Variants in RELN observed in about 807,000 individuals in gnomAD.
RELN encodes the protein reelin.
In RELN, 108 loss-of-function variants were observed where a neutral mutation model predicts 427.6. The ratio of observed to expected loss-of-function variants is 0.25; its 90% CI spans 0.22 to 0.30. The LOEUF (loss-of-function observed/expected upper bound fraction) is 0.30. Ranked by LOEUF, RELN falls within the 10% of genes least tolerant of loss-of-function variation. The probability of loss-of-function intolerance (pLI) is 1.00; values close to 1 mark genes in which losing one functional copy is unlikely to be tolerated. For synonymous variants in RELN, 1,524 were observed against 1,513.4 expected (o/e 1.01, Z -0.16); for missense variants, 3,715 against 4,302.8 (o/e 0.86, Z 3.82).
At chr7:103,983,415 A>C (rs1797032209) in intron 1 of RELN, among the ~76,000 whole-genome samples, 1 of 152,224 alleles carries the variant, frequency 6.6e-6, no homozygotes, top group Non-Finnish European at 1.5e-5. Context: ...CATAACTGAC[A>C]CCAAAGTGAG....
At chr7:103,823,421 A>T (rs930862213) in intron 3 of RELN, among the ~76,000 whole-genome samples, 16 of 151,854 alleles carry the variant, frequency 1.1e-4, no homozygotes, top group Admixed American at 3.3e-4. Context: ...CTTTATTCTG[A>T]TGTTTTAACT....
At chr7:103,624,099 C>T (rs1054027106) in intron 20 of RELN, among the ~76,000 whole-genome samples, 4 of 152,092 alleles carry the variant, frequency 2.6e-5, no homozygotes, top group African/African-American at 7.2e-5. Flanking sequence ...GATAAACAGG[C>T]TTTTAGGATC....
At chr7:103,711,462 T>C (rs61328831) in intron 8 of RELN, among the ~76,000 whole-genome samples, 32,296 of 152,154 alleles carry the variant, frequency 0.21, 4,143 homozygotes, top group South Asian at 0.37. Context: ...TTTTCCACTT[T>C]GCTTAGCACG....
At chr7:103,663,001 C>T (rs1833178486) in intron 11 of RELN, among the ~76,000 whole-genome samples, 1 of 149,670 alleles carries the variant, frequency 6.7e-6, no homozygotes, top group African/African-American at 2.5e-5. Flanking sequence ...AACTCTTTTG[C>T]CATACAATGT....
chr7:103,787,797 C>T (rs547676970), intron 3 of RELN, among the ~76,000 whole-genome samples: 1 of 152,276 alleles, frequency 6.6e-6, no homozygotes, highest in South Asian at 2.1e-4. Flanking sequence ...CTATTCCAAA[C>T]ATCAGAAAAA....
chr7:103,679,514 C>T (rs1007687496), intron 11 of RELN, among the ~76,000 whole-genome samples: 3 of 152,154 alleles, frequency 2.0e-5, no homozygotes, highest in South Asian at 4.1e-4. Flanking sequence ...CCTGGAAGTA[C>T]CAGCTTCTTA....
rs1833572571 is a variant in RELN, at chr7:103,677,886, G to GAC, written c.1289+4228_1289+4229dup. 2.6e-5 allele frequency among the ~76,000 whole-genome samples: 4 copies of GAC among 151,176 alleles called. No individual in the cohort carries two copies. The South Asian group carries it at 8.4e-4, about 32-fold the overall frequency. Reference sequence around the variant, plus strand: ...CATCCATGACCTGGAGCAATAATGAGACGCCTTTTGTAGTGTCTTCATTCA... The same window carrying GAC: ...CATCCATGACCTGGAGCAATAATGAGACACGCCTTTTGTAGTGTCTTCATTCA... On this transcript the variant is annotated intron_variant, in intron 11 of 64. Coordinates refer to ENST00000428762, the MANE Select transcript of RELN (RefSeq NM_005045.4).
chr7:103,906,006 T>C (rs763047084), intron 2 of RELN, among the ~76,000 whole-genome samples: 3 of 152,126 alleles, frequency 2.0e-5, no homozygotes, highest in Admixed American at 6.6e-5. Context: ...ACAAGGGCAG[T>C]AGACGTTTAA....
In RELN at chr7:103,523,418, T is replaced by C; in HGVS notation, c.7463A>G (p.His2488Arg). The C allele has an allele frequency of 6.2e-7, 1 of 1,614,166 alleles. No homozygotes were observed. The highest frequency in any genetic ancestry group is 8.5e-7 in the Non-Finnish European group (1 of 1,180,024). ...GDGCIDMCSGHGRCIQGNCVC... is the reference protein window; with the variant it reads ...GDGCIDMCSGRGRCIQGNCVC... ...GCAGTTTCCCTGGATGCATCTCCCATGGCCACTGCACATGTCTATGCAGCC... is the reference window on the plus strand; with the variant it reads ...GCAGTTTCCCTGGATGCATCTCCCACGGCCACTGCACATGTCTATGCAGCC... The change falls in exon 47 of 65, where the codon CAT becomes CGT. Residue 2488 changes from histidine to arginine, a missense_variant. His to Arg is a conservative substitution (Grantham distance 29). Around this residue, in one of 4 missense-constraint regions of RELN, gnomAD observed 1,310 missense variants for 1,643.0 expected, o/e 0.80. Transcript: ENST00000428762.
intron 4 of RELN, among the ~76,000 whole-genome samples, chr7:103,755,624 A>T (rs1191563208): frequency 4.9e-5 from 5 of 101,508 alleles, no homozygotes; most frequent in East Asian, 2.3e-4. Flanking sequence ...AAAATAAAAA[A>T]AATAAAATAA....
In RELN at chr7:103,483,805, G is replaced by A; in HGVS notation, c.10029C>T (p.Asp3343=). Residue 3343 remains aspartate, a synonymous_variant, in exon 62 of 65, where the codon GAC becomes GAT. Transcript: ENST00000428762. ...VLQIGSMSQT[D]SCNSDLSGPH... is the part of the protein sequence containing the mutation. ...GGCCACTCAGGTCACTGTTGCAGCT[G>A]TCCGTCTGCGACATGCTCCCAATTT... 1.9e-6 allele frequency: 3 copies of A among 1,614,042 alleles called. No homozygotes were observed. The highest frequency in any genetic ancestry group is 2.5e-6 in the Non-Finnish European group (3 of 1,179,898).
At chr7:103,939,367 TAAA>T (rs1361864670) in intron 1 of RELN, among the ~76,000 whole-genome samples, 2 of 152,180 alleles carry the variant, frequency 1.3e-5, no homozygotes, top group Non-Finnish European at 2.9e-5. Flanking sequence ...AATAAACATA[TAAA>T]AATATACTAA....
chr7:103,913,789 T>C (rs1204812895), intron 2 of RELN, among the ~76,000 whole-genome samples: 2 of 152,352 alleles, frequency 1.3e-5, no homozygotes, highest in South Asian at 2.1e-4. Context: ...TGTTATATAA[T>C]ATCCAGGCAT....
At chr7:103,522,297 A>T (rs751417670) in intron 47 of RELN, 98 bp from the exon 48 acceptor site, 9 of 1,224,682 alleles carry the variant, frequency 7.3e-6, no homozygotes, top group Non-Finnish European at 1.1e-5. Context: ...CTAGTCCAAG[A>T]TGATGAAAAG....
At chr7:103,872,064 A>AT (rs1794356471) in intron 2 of RELN, among the ~76,000 whole-genome samples, 26 of 108,024 alleles carry the variant, frequency 2.4e-4, no homozygotes, top group Admixed American at 1.8e-3. Context: ...TTTTTTATTT[A>AT]TTTATTTTTT....
intron 3 of RELN, among the ~76,000 whole-genome samples, chr7:103,831,128 T>G (rs1226724606): frequency 6.6e-6 from 1 of 152,080 alleles, no homozygotes; most frequent in Non-Finnish European, 1.5e-5. Flanking sequence ...AAAACATATC[T>G]GTTTGAAAGT....
chr7:103,519,093 GCA>G (rs1829640749), intron 49 of RELN, among the ~76,000 whole-genome samples: 1 of 152,036 alleles, frequency 6.6e-6, no homozygotes, highest in East Asian at 1.9e-4. Context: ...TTCACCGTTG[GCA>G]TTGTGGTAGA....
At chr7:103,553,184 G>C (rs145969558) in intron 40 of RELN, among the ~76,000 whole-genome samples, 5 of 152,254 alleles carry the variant, frequency 3.3e-5, no homozygotes, top group Admixed American at 2.6e-4. Context: ...AGAATAGTAT[G>C]AGCCTTTTCA....
At chr7:103,500,024 C>A (rs951990499) in intron 53 of RELN, among the ~76,000 whole-genome samples, 4 of 152,230 alleles carry the variant, frequency 2.6e-5, no homozygotes, top group African/African-American at 9.6e-5. Context: ...ACACAAATGA[C>A]AGAACAGGTT....
Sources: gnomAD v4.1 joint callset for allele counts (sites outside exome capture counted in the v4.1 genomes callset) on GRCh38, gnomAD v4.1.1 for gene constraint, gnomAD v4.1.1 regional missense constraint, MANE v1.5 for transcripts, NCBI Gene and HGNC (gene_info 2026-07-23, HGNC 2026-07-21) for gene names.